The following DLGAP2 variants were observed in gnomAD, a reference collection of about 807,000 sequenced individuals.
DLGAP2 encodes DLG associated protein 2.
DLGAP2 carries 26 observed loss-of-function variants against 100.3 expected under a neutral mutation model. The ratio of observed to expected loss-of-function variants is 0.26; its 90% CI spans 0.19 to 0.36. The LOEUF is 0.36. Among genes scored for constraint, DLGAP2 ranks in the 10% least tolerant of loss-of-function variants. The pLI is 1.00. For missense variants in DLGAP2, 1,858 were observed against 1,453.2 expected (o/e 1.28, Z -4.53); for synonymous variants, 886 against 630.1 (o/e 1.41, Z -6.08).
In DLGAP2 at chr8:1,707,823, G is replaced by A. The variant is rs753759729; in HGVS notation, c.*6417G>A. Reference sequence around the variant, plus strand: ...AATATGAAATCATATCGAGTGTGAGGATGAGCAGAGTGCCAAATATTCAGC... The same window carrying A: ...AATATGAAATCATATCGAGTGTGAGAATGAGCAGAGTGCCAAATATTCAGC... On this transcript the variant is annotated 3_prime_UTR_variant, in exon 15 of 15. Coordinates refer to ENST00000637795, the MANE Select transcript of DLGAP2 (RefSeq NM_001346810.2). 1 of 152,510 alleles carries A rather than the reference G, an allele frequency of 6.6e-6. No individual in the cohort carries two copies. The highest frequency in any genetic ancestry group is 2.4e-5 in the African/African-American group (1 of 41,394). 9.4% of individuals were successfully genotyped at this position (152,510 alleles called of 1,614,324 possible).
At chr8:810,298 T>G (rs1796348228) in intron 1 of DLGAP2, among the ~76,000 whole-genome samples, 1 of 152,256 alleles carries the variant, frequency 6.6e-6, no homozygotes, top group Non-Finnish European at 1.5e-5. Context: ...AAATACATTT[T>G]GTACTGAAAT....
At chr8:1,072,187 G>C (rs771449243) in intron 2 of DLGAP2, among the ~76,000 whole-genome samples, 1 of 152,208 alleles carries the variant, frequency 6.6e-6, no homozygotes, top group Non-Finnish European at 1.5e-5. Context: ...GACATCGAGA[G>C]ACATTCCCCC....
At chr8:1,289,698 G>T (rs1448324268) in intron 3 of DLGAP2, among the ~76,000 whole-genome samples, 2 of 152,136 alleles carry the variant, frequency 1.3e-5, no homozygotes, top group Non-Finnish European at 2.9e-5. Flanking sequence ...TCTCACAGAA[G>T]TACCCCCCCG....
intron 6 of DLGAP2, among the ~76,000 whole-genome samples, chr8:1,569,698 T>A (rs1802572925): frequency 6.6e-6 from 1 of 152,218 alleles, no homozygotes; most frequent in Admixed American, 6.5e-5. Context: ...GAAACATGAC[T>A]CAGGGAAATG....
chr8:954,012 C>T (rs533411740), intron 2 of DLGAP2, among the ~76,000 whole-genome samples: 1 of 152,282 alleles, frequency 6.6e-6, no homozygotes, highest in East Asian at 1.9e-4. Flanking sequence ...TCTTTGGAGA[C>T]ACCAGCAAGC....
intron 3 of DLGAP2, chr8:1,378,090 C>G (rs1305472154): frequency 6.4e-6 from 1 of 156,326 alleles, no homozygotes; most frequent in Non-Finnish European, 1.4e-5. Context: ...CTCAAGATAT[C>G]TGGACGCAGG....
chr8:1,688,629 T>A (rs1332274531), intron 12 of DLGAP2, among the ~76,000 whole-genome samples: 1 of 152,238 alleles, frequency 6.6e-6, no homozygotes, highest in Non-Finnish European at 1.5e-5. Context: ...CTTTCCCATT[T>A]TCTGCATGTG....
intron 1 of DLGAP2, among the ~76,000 whole-genome samples, chr8:785,514 C>G (rs56386543): frequency 2.8e-5 from 4 of 143,822 alleles, no homozygotes; most frequent in Non-Finnish European, 4.6e-5. Flanking sequence ...TCCCCTCAGG[C>G]CTTTCTGAGA....
intron 2 of DLGAP2, among the ~76,000 whole-genome samples, chr8:1,222,665 A>G (rs918941403): frequency 6.6e-6 from 1 of 152,040 alleles, no homozygotes; most frequent in Admixed American, 6.6e-5. Context: ...TGGTGGGTGC[A>G]TGCTGGCAGG....
intron 3 of DLGAP2, among the ~76,000 whole-genome samples, chr8:1,316,654 C>T (rs555795892): frequency 6.0e-3 from 859 of 143,200 alleles, no homozygotes; most frequent in African/African-American, 0.022. Context: ...CAGTGGTCTA[C>T]ACTCGAGACA....
intron 3 of DLGAP2, among the ~76,000 whole-genome samples, chr8:1,272,766 A>G (rs950605986): frequency 2.0e-5 from 3 of 152,112 alleles, no homozygotes; most frequent in African/African-American, 7.2e-5. Context: ...GACTCTTCCC[A>G]TCATGCAACA....
intron 3 of DLGAP2, 42 bp from the exon 4 acceptor site, chr8:1,501,324 C>T: frequency 6.5e-7 from 1 of 1,532,384 alleles, no homozygotes; most frequent in South Asian, 1.2e-5. Context: ...GCAGTCTACA[C>T]CAGAAACGCA....
At chr8:1,089,882 T>C (rs956668415) in intron 2 of DLGAP2, among the ~76,000 whole-genome samples, 2 of 152,222 alleles carry the variant, frequency 1.3e-5, no homozygotes, top group Admixed American at 6.5e-5. Context: ...TGACAGTTTC[T>C]TGCCAAAGAG....
intron 4 of DLGAP2, among the ~76,000 whole-genome samples, chr8:1,533,968 C>A (rs971383773): frequency 6.6e-6 from 1 of 152,158 alleles, no homozygotes; most frequent in Non-Finnish European, 1.5e-5. Context: ...AAATAAAATA[C>A]TATGAATACA....
intron 2 of DLGAP2, among the ~76,000 whole-genome samples, chr8:1,250,734 A>G (rs936090164): frequency 1.8e-4 from 27 of 152,252 alleles, no homozygotes; most frequent in Middle Eastern, 3.4e-3. Flanking sequence ...ATTAAAAAAA[A>G]TGGAATGAGA....
At position 1,335,125 on chromosome 8, in the gene DLGAP2, C is replaced by T. The variant is rs545072137; in HGVS notation, c.106+76242C>T. On this transcript the variant is annotated intron_variant, in intron 3 of 14. Transcript: ENST00000637795. Reference sequence around the variant, plus strand: ...AGAAGGGAACTCCTCATCCAAGACACGGTGGTTGAGTCACTGCCCAGATAA... The same window carrying T: ...AGAAGGGAACTCCTCATCCAAGACATGGTGGTTGAGTCACTGCCCAGATAA... Among the ~76,000 whole-genome samples the T allele has an allele frequency of 7.4e-4, 112 of 152,288 alleles. 1 individual carries two copies. Among genetic ancestry groups the T allele is most frequent in the African/African-American group, 2.5e-3 (103 of 41,564 alleles).
chr8:1,263,788 C>A (rs116411671), intron 3 of DLGAP2, among the ~76,000 whole-genome samples: 3,625 of 152,186 alleles, frequency 0.024, 144 homozygotes, highest in African/African-American at 0.082. Flanking sequence ...GGGAGGGCAC[C>A]ACTGTTTCAA....
At chr8:1,064,634 G>A (rs1803189455) in intron 2 of DLGAP2, among the ~76,000 whole-genome samples, 1 of 152,208 alleles carries the variant, frequency 6.6e-6, no homozygotes, top group South Asian at 2.1e-4. Context: ...CAACAAGGAG[G>A]TCTTTAGTAA....
intron 2 of DLGAP2, among the ~76,000 whole-genome samples, chr8:1,190,789 C>G (rs370319151): frequency 1.3e-5 from 2 of 152,020 alleles, no homozygotes; most frequent in Non-Finnish European, 2.9e-5. Context: ...TCCAGGTGCA[C>G]GCAGCAGCAA....
Sources: allele counts gnomAD v4.1 joint callset (sites outside exome capture counted in the v4.1 genomes callset), GRCh38; gene constraint gnomAD v4.1.1; transcripts MANE v1.5; gene names NCBI Gene and HGNC (gene_info 2026-07-23, HGNC 2026-07-21).